AFDN: variants seen among roughly 807,000 people sequenced by gnomAD.
AFDN encodes afadin, adherens junction formation factor.
In AFDN, 68 loss-of-function variants were observed where a neutral mutation model predicts 216.6. The ratio of observed to expected loss-of-function variants is 0.31; its 90% CI spans 0.26 to 0.38. The LOEUF is 0.38. Among genes scored for constraint, AFDN ranks in the 10% least tolerant of loss-of-function variants. The pLI, the probability that AFDN is intolerant of heterozygous loss-of-function variation, is 1.00. For missense variants in AFDN, 2,136 were observed against 2,342.0 expected (o/e 0.91, Z 1.82); for synonymous variants, 868 against 853.7 (o/e 1.02, Z -0.29).
At chr6:167,913,280 C>G (rs1790635432) in intron 15 of AFDN, 123 bp from the exon 16 acceptor site, 2 of 926,472 alleles carry the variant, frequency 2.2e-6, no homozygotes, top group Non-Finnish European at 3.3e-6. Flanking sequence ...AATAACATAA[C>G]TAAATGTCGT....
rs748630169 is a variant in AFDN at position 167,951,169 on chromosome 6, T to A, written c.3832-17T>A. On this transcript the variant is annotated splice_polypyrimidine_tract_variant and intron_variant, in intron 29 of 33. Coordinates refer to ENST00000683244, the MANE Select transcript of AFDN (RefSeq NM_001386888.1). This position sits in a 1 kb window ranked among gnomAD's most constrained non-coding sequence, Gnocchi z 7.1. The stretch of plus-strand genomic sequence containing the variant: ...TAGTAAATGGCTGAAATATAATAAT[T>A]CTTTTTCTTTTTGCAGCGTGTTACA... The A allele has an allele frequency of 2.6e-6, 4 of 1,517,774 alleles. No individual in the cohort carries two copies. Among genetic ancestry groups the A allele is most frequent in the East Asian group, 2.3e-5 (1 of 43,918 alleles). The allele number at this position is 1,517,774 out of a possible 1,614,324, so 94.0% of individuals were successfully genotyped here.
chr6:167,930,758 C>A (rs952804033), intron 23 of AFDN, among the ~76,000 whole-genome samples: 1 of 152,082 alleles, frequency 6.6e-6, no homozygotes, highest in African/African-American at 2.4e-5. Context: ...TGGCTGTGTT[C>A]CAATAAAACT....
intron 16 of AFDN, chr6:167,913,862 G>A (rs997772792): frequency 6.9e-6 from 3 of 434,854 alleles, no homozygotes; most frequent in East Asian, 4.2e-5. Flanking sequence ...GATAATGCAC[G>A]GTCTACAATT....
intron 1 of AFDN, chr6:167,864,306 A>G (rs765852735): frequency 1.4e-6 from 1 of 704,980 alleles, no homozygotes; most frequent in Non-Finnish European, 2.6e-6. Flanking sequence ...TGTTGATAAC[A>G]TCATCTATTT....
Position 167,870,510 on chromosome 6 carries a change from C to G in AFDN, c.414+12C>G. On this transcript the variant is annotated intron_variant, in intron 3 of 33. Transcript: ENST00000683244. ...CCATTCCTCCTAAGGTAGGAACCCT[C>G]AGTATTTTATGACGGTCTTGGTCCA... 6.5e-7 allele frequency: 1 copy of G among 1,549,792 alleles called. No homozygotes were observed. The highest frequency in any genetic ancestry group is 8.9e-7 in the Non-Finnish European group (1 of 1,128,582).
chr6:167,954,480 C>G (rs1262530153), intron 30 of AFDN: 1 of 1,601,812 alleles, frequency 6.2e-7, no homozygotes, highest in Non-Finnish European at 8.5e-7. Flanking sequence ...CCAGCAATCT[C>G]TGTTCTAGAT....
chr6:167,898,999 A>G (rs1788618421), intron 11 of AFDN, among the ~76,000 whole-genome samples: 1 of 152,086 alleles, frequency 6.6e-6, no homozygotes, highest in Non-Finnish European at 1.5e-5. Context: ...CTTTGGTTTT[A>G]CTTTTTAAAA....
rs1270930928 is a variant in AFDN at position 167,962,394 on chromosome 6, G to GGAGTTT, written c.4834-37_4834-32dup. 1.9e-6 allele frequency: 3 copies of GGAGTTT among 1,611,476 alleles called. No individual in the cohort carries two copies. The African/African-American group carries it at 4.0e-5, about 22-fold the overall frequency. The stretch of plus-strand genomic sequence containing the variant: ...TGTGCATTTTATGTCTTGTGCTGGT[G>GGAGTTT]GAGTTTGTGGAGGGAGATTAATGTC... On this transcript the variant is annotated intron_variant, in intron 30 of 33. Coordinates refer to ENST00000683244, the MANE Select transcript of AFDN (RefSeq NM_001386888.1). This position sits in a 1 kb window ranked among gnomAD's most constrained non-coding sequence, Gnocchi z 5.2.
At chr6:167,950,729 C>T (rs1464508729) in intron 29 of AFDN, among the ~76,000 whole-genome samples, 2 of 152,114 alleles carry the variant, frequency 1.3e-5, no homozygotes, top group Non-Finnish European at 2.9e-5. Context: ...GCTTTGAAGT[C>T]CAAGTCACAT....
chr6:167,829,615 G>C (rs1366945171), intron 1 of AFDN, among the ~76,000 whole-genome samples: 2 of 151,774 alleles, frequency 1.3e-5, no homozygotes, highest in East Asian at 3.9e-4. Context: ...TTTAAGCCTT[G>C]TATTTATTTA....
intron 6 of AFDN, among the ~76,000 whole-genome samples, chr6:167,887,012 CAA>C (rs67970460): frequency 2.8e-3 from 256 of 90,486 alleles, no homozygotes; most frequent in Admixed American, 4.9e-3. Context: ...GAGACTGTAT[CAA>C]AAAAAAAAAA....
chr6:167,857,635 A>G (rs1249779449), intron 1 of AFDN, among the ~76,000 whole-genome samples: 5 of 152,092 alleles, frequency 3.3e-5, no homozygotes, highest in Non-Finnish European at 7.4e-5. Flanking sequence ...ATACATCCTT[A>G]TTAATGATAA....
At position 167,943,110 on chromosome 6, in the gene AFDN, C is replaced by T. The variant is rs748579661; in HGVS notation, c.3100-19C>T. 120 of 1,608,962 alleles carry T rather than the reference C, an allele frequency of 7.5e-5. No individual in the cohort carries two copies. The highest frequency in any genetic ancestry group is 6.0e-4 in the African/African-American group (45 of 74,746). On this transcript the variant is annotated intron_variant, in intron 23 of 33. Transcript: ENST00000683244. ...CAATATATCTTCAATGCAGTGTTTT[C>T]GCCTTGTTTTTGCAATAGGGTGCTG...
chr6:167,965,848 C>T lies in AFDN; in HGVS notation c.5060C>T (p.Ala1687Val), dbSNP rs1411366487. Residue 1687 changes from alanine to valine, a missense_variant, in exon 32 of 34, where the codon GCG (alanine) becomes GTG (valine). Around this residue, in one of 8 missense-constraint regions of AFDN, gnomAD observed 981 missense variants for 966.0 expected, o/e 1.02. Coordinates refer to ENST00000683244, the MANE Select transcript of AFDN (RefSeq NM_001386888.1). ...GCGCGCAGGTTGCTGGAGCCCGAGG[C>T]GCCCGGTCTGTGCCGCCCTCCGCTT... is the stretch of plus-strand genomic sequence containing the variant. ...EAARRLLEPE[A>V]PGLCRPPLPR... is the part of the protein sequence containing the mutation. 33 of 1,549,930 alleles carry T rather than the reference C, an allele frequency of 2.1e-5. No individual in the cohort carries two copies. Among genetic ancestry groups the T allele is most frequent in the Non-Finnish European group, 2.6e-5 (30 of 1,146,898 alleles).
intron 30 of AFDN, among the ~76,000 whole-genome samples, chr6:167,959,254 A>G (rs184666028): frequency 1.3e-5 from 2 of 152,360 alleles, no homozygotes; most frequent in Admixed American, 6.5e-5. Context: ...GCTGTGCTAC[A>G]GGAAGGGAGC....
chr6:167,863,006 G>A (rs953364109), intron 1 of AFDN, among the ~76,000 whole-genome samples: 6 of 152,222 alleles, frequency 3.9e-5, no homozygotes, highest in African/African-American at 1.2e-4. Context: ...TTCAGGGCTA[G>A]AAATGTGCCT....
At chr6:167,859,069 T>C (rs901805281) in intron 1 of AFDN, among the ~76,000 whole-genome samples, 6 of 148,892 alleles carry the variant, frequency 4.0e-5, no homozygotes, top group Admixed American at 1.3e-4. Flanking sequence ...ATGGCCGTTC[T>C]TGTTTTTTTT....
intron 1 of AFDN, among the ~76,000 whole-genome samples, chr6:167,860,893 CATTT>C (rs890238304): frequency 3.9e-5 from 6 of 152,218 alleles, no homozygotes; most frequent in East Asian, 1.9e-4. Flanking sequence ...ACCATTCATT[CATTT>C]GTTTCTTCTG....
At chr6:167,933,056 T>C (rs996963236) in intron 23 of AFDN, among the ~76,000 whole-genome samples, 1 of 152,230 alleles carries the variant, frequency 6.6e-6, no homozygotes, top group African/African-American at 2.4e-5. Flanking sequence ...TTAAATATGA[T>C]AACTGCCGCT....
Sources: gnomAD v4.1 joint callset for allele counts (sites outside exome capture counted in the v4.1 genomes callset) on GRCh38, gnomAD v4.1.1 for gene constraint, gnomAD v4.1.1 regional missense constraint, Gnocchi (gnomAD v3.1) non-coding constraint, MANE v1.5 for transcripts, NCBI Gene and HGNC (gene_info 2026-07-23, HGNC 2026-07-21) for gene names.